The following CEP85L variants were observed in gnomAD, a reference collection of about 807,000 sequenced individuals.
CEP85L encodes centrosomal protein 85L, also known as centrosomal protein of 85 kDa-like.
Under a neutral mutation model 100.3 loss-of-function variants are expected in CEP85L, and 60 were observed. That is an observed-to-expected ratio of 0.60 (90% CI 0.49 to 0.74). The LOEUF (loss-of-function observed/expected upper bound fraction) is 0.74. CEP85L is among the 30% of genes least tolerant of loss of function. The pLI is 0.00. For synonymous variants in CEP85L, 319 were observed against 322.7 expected (o/e 0.99, Z 0.12); for missense variants, 973 against 936.2 (o/e 1.04, Z -0.51).
intron 2 of CEP85L, among the ~76,000 whole-genome samples, chr6:118,577,439 T>C (rs1273095884): frequency 6.6e-6 from 1 of 152,178 alleles, no homozygotes; most frequent in Non-Finnish European, 1.5e-5. Context: ...TTTATATAGA[T>C]GCCATCAGAG....
At chr6:118,508,916 T>C (rs1236447546) in intron 5 of CEP85L, among the ~76,000 whole-genome samples, 1 of 152,102 alleles carries the variant, frequency 6.6e-6, no homozygotes, top group African/African-American at 2.4e-5. Context: ...TATTACTCTA[T>C]CTGCTGTTTC....
intron 1 of CEP85L, among the ~76,000 whole-genome samples, chr6:118,704,579 T>C (rs533045521): frequency 2.0e-4 from 31 of 152,314 alleles, no homozygotes; most frequent in African/African-American, 7.5e-4. Context: ...CAAGTGATTG[T>C]CCTGCCTCAG....
intron 3 of CEP85L, among the ~76,000 whole-genome samples, chr6:118,544,706 G>C (rs1778095265): frequency 6.6e-6 from 1 of 152,058 alleles, no homozygotes; most frequent in South Asian, 2.1e-4. Flanking sequence ...TAAAATGTTT[G>C]GGTCTCCAGG....
chr6:118,670,355 T>TAGTTTTTCGATCCTC (rs1270063140), intron 1 of CEP85L, among the ~76,000 whole-genome samples: 2 of 151,902 alleles, frequency 1.3e-5, no homozygotes, highest in Non-Finnish European at 2.9e-5. Context: ...ACCTGATAGA[T>TAGTTTTTCGATCCTC]AGTTTTTCGA....
At chr6:118,558,903 T>C in intron 3 of CEP85L, 1 of 1,611,104 alleles carries the variant, frequency 6.2e-7, no homozygotes, top group South Asian at 1.1e-5. Context: ...AACTTCAGAC[T>C]TCCTGTCCTG....
chr6:118,647,890 GC>G (rs1156987839), intron 1 of CEP85L, among the ~76,000 whole-genome samples: 2 of 152,106 alleles, frequency 1.3e-5, no homozygotes, highest in East Asian at 3.8e-4. Context: ...TTTTAAATTA[GC>G]CTTCTAACCA....
intron 1 of CEP85L, among the ~76,000 whole-genome samples, chr6:118,668,226 G>A (rs1776189753): frequency 6.6e-6 from 1 of 152,144 alleles, no homozygotes; most frequent in Non-Finnish European, 1.5e-5. Context: ...TAATTAAATA[G>A]GACAGCTCCC....
intron 10 of CEP85L, among the ~76,000 whole-genome samples, chr6:118,472,793 A>G (rs564598277): frequency 6.6e-6 from 1 of 152,342 alleles, no homozygotes; most frequent in Admixed American, 6.5e-5. Context: ...ATTAATTTGC[A>G]AACACCTACA....
intron 3 of CEP85L, among the ~76,000 whole-genome samples, chr6:118,564,783 G>C (rs1256927191): frequency 6.6e-6 from 1 of 152,126 alleles, no homozygotes; most frequent in Non-Finnish European, 1.5e-5. Flanking sequence ...ATAAAAAACA[G>C]ATGACAGGAC....
At chr6:118,542,917 A>AAAAAAAAAAAAAAAAAAC (rs758286537) in intron 3 of CEP85L, among the ~76,000 whole-genome samples, 1 of 150,080 alleles carries the variant, frequency 6.7e-6, no homozygotes, top group African/African-American at 2.4e-5. Context: ...AAAAAAAAAA[A>AAAAAAAAAAAAAAAAAAC]AAAAAACAGG....
At chr6:118,549,970 G>C (rs1370946819) in intron 3 of CEP85L, among the ~76,000 whole-genome samples, 2 of 151,830 alleles carry the variant, frequency 1.3e-5, no homozygotes, top group Non-Finnish European at 3.0e-5. Flanking sequence ...GTCCCAACTA[G>C]TTCATCTATA....
At chr6:118,477,272 C>G (rs1275279141) in intron 10 of CEP85L, among the ~76,000 whole-genome samples, 1 of 152,076 alleles carries the variant, frequency 6.6e-6, no homozygotes, top group African/African-American at 2.4e-5. Flanking sequence ...TTACAGCACT[C>G]AACTCAATTT....
intron 5 of CEP85L, among the ~76,000 whole-genome samples, chr6:118,498,611 A>T (rs1775074063): frequency 6.7e-6 from 1 of 149,836 alleles, no homozygotes; most frequent in Non-Finnish European, 1.5e-5. Flanking sequence ...AAAAAAAAAA[A>T]ATAGAGAGAG....
intron 1 of CEP85L, among the ~76,000 whole-genome samples, chr6:118,683,542 A>G (rs1776735571): frequency 6.6e-6 from 1 of 152,230 alleles, no homozygotes; most frequent in South Asian, 2.1e-4. Flanking sequence ...AATGATGGAA[A>G]ATCAGTGCAG....
chr6:118,531,530 A>G (rs892605020), intron 3 of CEP85L, among the ~76,000 whole-genome samples: 44 of 152,212 alleles, frequency 2.9e-4, no homozygotes, highest in Non-Finnish European at 5.3e-4. Flanking sequence ...ATTAAACAAA[A>G]GAGCTTCTGC....
In CEP85L at chr6:118,463,913, T is replaced by C. The variant is rs1440020357; in HGVS notation, c.*1492A>G. On this transcript the variant is annotated 3_prime_UTR_variant, in exon 13 of 13. Coordinates refer to ENST00000368491, the MANE Select transcript of CEP85L (RefSeq NM_001042475.3). ...TTAAATATTTAAGAAAAATCTTTCC[T>C]AGGAGAGCCTTTATTCTAGTATATA... is the stretch of plus-strand genomic sequence containing the variant. The C allele has an allele frequency of 6.6e-6, 1 of 152,128 alleles. No homozygotes were observed. The highest frequency in any genetic ancestry group is 1.5e-5 in the Non-Finnish European group (1 of 67,970). 9.4% of individuals were successfully genotyped at this position (152,128 alleles called of 1,614,324 possible). A position where few individuals can be genotyped will look rare whatever the true frequency, so the allele number is the denominator to read the frequency against.
intron 4 of CEP85L, among the ~76,000 whole-genome samples, chr6:118,516,488 T>C (rs2114743756): frequency 6.6e-6 from 1 of 152,360 alleles, no homozygotes; most frequent in South Asian, 2.1e-4. Flanking sequence ...TTGATTTGCA[T>C]TTCTCTAATG....
intron 3 of CEP85L, among the ~76,000 whole-genome samples, chr6:118,554,594 T>C (rs774032242): frequency 2.0e-5 from 3 of 152,232 alleles, no homozygotes; most frequent in Non-Finnish European, 4.4e-5. Context: ...TCAGAAACTA[T>C]CAGTCTAGCT....
In CEP85L at chr6:118,473,433, G is replaced by A. The variant is rs539710467; in HGVS notation, c.1915-2789C>T. On this transcript the variant is annotated intron_variant, in intron 10 of 12. Transcript: ENST00000368491. ...GGTTCTGGGACAGATGGTGTCTTCT[G>A]TGTTTGAGAAAAAGCAAGAGAGCCA... Among the ~76,000 whole-genome samples the A allele has an allele frequency of 1.9e-3, 291 of 152,218 alleles. 1 individual carries two copies. The highest frequency in any genetic ancestry group is 6.7e-3 in the African/African-American group (279 of 41,540).
Sources: allele counts gnomAD v4.1 joint callset (sites outside exome capture counted in the v4.1 genomes callset), GRCh38; gene constraint gnomAD v4.1.1; transcripts MANE v1.5; gene names NCBI Gene and HGNC (gene_info 2026-07-23, HGNC 2026-07-21).